Variants in NT5C2 observed in about 807,000 individuals in gnomAD.
NT5C2 encodes the protein cytosolic purine 5'-nucleotidase.
NT5C2 carries 58 observed loss-of-function variants against 76.1 expected under a neutral mutation model. The ratio of observed to expected loss-of-function variants is 0.76; its 90% CI spans 0.62 to 0.95. The LOEUF is 0.95. NT5C2 is among the 40% of genes least tolerant of loss of function. The pLI is 0.00. For synonymous variants in NT5C2, 229 were observed against 237.4 expected (o/e 0.96, Z 0.32); for missense variants, 478 against 690.3 (o/e 0.69, Z 3.45).
chr10:103,105,479 G>C (rs190305865), intron 6 of NT5C2: 1 of 573,200 alleles, frequency 1.7e-6, no homozygotes, highest in African/African-American at 1.9e-5. Context: ...TTTGTTGTAT[G>C]CTGTATAATT....
chr10:103,119,784 T>C (rs922941038), intron 4 of NT5C2, among the ~76,000 whole-genome samples: 2 of 144,128 alleles, frequency 1.4e-5, no homozygotes, highest in African/African-American at 5.1e-5. Flanking sequence ...GACTTTTACA[T>C]TGTCATTGGT....
At chr10:103,187,367 A>C (rs1394083254) in intron 1 of NT5C2, among the ~76,000 whole-genome samples, 1 of 151,800 alleles carries the variant, frequency 6.6e-6, no homozygotes, top group Non-Finnish European at 1.5e-5. Flanking sequence ...AAAATGAAGA[A>C]ACTCCATCTC....
intron 6 of NT5C2, chr10:103,105,315 T>A (rs977142952): frequency 1.7e-6 from 1 of 572,198 alleles, no homozygotes; most frequent in African/African-American, 2.0e-5. Context: ...TCATTTAAAT[T>A]GCTATAGTTT....
intron 3 of NT5C2, among the ~76,000 whole-genome samples, chr10:103,162,149 G>T (rs943980634): frequency 1.3e-5 from 2 of 152,068 alleles, no homozygotes; most frequent in African/African-American, 4.8e-5. Flanking sequence ...CCAAGTAGCT[G>T]GGACTACAGG....
intron 4 of NT5C2, among the ~76,000 whole-genome samples, chr10:103,114,004 G>T (rs9633712): frequency 1.3e-5 from 2 of 152,182 alleles, no homozygotes; most frequent in Admixed American, 1.3e-4. Context: ...CTTGTCTAGA[G>T]GAGGAAGTGG....
intron 1 of NT5C2, among the ~76,000 whole-genome samples, chr10:103,189,673 G>A (rs1050477136): frequency 6.7e-6 from 1 of 149,894 alleles, no homozygotes; most frequent in Non-Finnish European, 1.5e-5. Flanking sequence ...TTCTTTTACT[G>A]TTTACTGAAT....
chr10:103,138,967 A>G (rs1200418853), intron 4 of NT5C2, among the ~76,000 whole-genome samples: 1 of 152,030 alleles, frequency 6.6e-6, no homozygotes, highest in African/African-American at 2.4e-5. Context: ...AGATCGCGCC[A>G]TTGCACTCCA....
In NT5C2 at chr10:103,192,822, G is replaced by A. The variant is rs189872713; in HGVS notation, c.-169+414C>T. On this transcript the variant is annotated intron_variant, in intron 1 of 18. Transcript: ENST00000404739. ...GGGAACAGCCTGGAATCAGCTGGAG[G>A]ACGTCAGCAGGACTGAGGAAAGGGC... Among the ~76,000 whole-genome samples, 402 of 152,320 alleles carry A rather than the reference G, an allele frequency of 2.6e-3. 1 individual carries two copies. The highest frequency in any genetic ancestry group is 4.2e-3 in the Non-Finnish European group (285 of 68,024).
At chr10:103,184,727 T>C (rs913439720) in intron 1 of NT5C2, among the ~76,000 whole-genome samples, 13 of 152,236 alleles carry the variant, frequency 8.5e-5, no homozygotes, top group Admixed American at 6.5e-4. Context: ...TGAAATCTTA[T>C]TCTTGGTTCA....
Position 103,094,070 on chromosome 10 carries a change from T to C in NT5C2, c.922-32A>G. On this transcript the variant is annotated intron_variant, in intron 13 of 18. Transcript: ENST00000404739. ...GAAGAATATGGATTTTGTAATACTTTATCATCCTATCACAATCCTCCCCTC... is the reference window on the plus strand; with the variant it reads ...GAAGAATATGGATTTTGTAATACTTCATCATCCTATCACAATCCTCCCCTC... The C allele has an allele frequency of 2.6e-6, 4 of 1,553,118 alleles. No individual in the cohort carries two copies. The East Asian group carries it at 6.7e-5, about 26-fold the overall frequency.
At chr10:103,113,493 AAT>A (rs201120882) in intron 4 of NT5C2, among the ~76,000 whole-genome samples, 13 of 151,650 alleles carry the variant, frequency 8.6e-5, no homozygotes, top group Admixed American at 5.3e-4. Context: ...AGAAATAGCT[AAT>A]ATTTTTTTTT....
intron 4 of NT5C2, among the ~76,000 whole-genome samples, chr10:103,126,119 G>A (rs2076593260): frequency 6.6e-6 from 1 of 152,042 alleles, no homozygotes; most frequent in Non-Finnish European, 1.5e-5. Context: ...ATACATGAGG[G>A]CAACTTAATA....
chr10:103,145,302 C>T (rs948186653), intron 3 of NT5C2, among the ~76,000 whole-genome samples: 18 of 152,156 alleles, frequency 1.2e-4, no homozygotes, highest in African/African-American at 3.9e-4. Flanking sequence ...AAACTAATCT[C>T]TTGGTCTCAA....
At position 103,175,042 on chromosome 10, in the gene NT5C2, ATTT is replaced by A. The variant is rs1221137833; in HGVS notation, c.-24-63_-24-61del. 8.3e-6 allele frequency: 8 copies of A among 963,984 alleles called. No homozygotes were observed. In the South Asian group the frequency reaches 1.0e-4, roughly 12 times the overall value. 59.7% of individuals were successfully genotyped at this position (963,984 alleles called of 1,614,324 possible). On this transcript the variant is annotated intron_variant, in intron 2 of 18. Transcript: ENST00000404739. ...ATTGGCATCTGTATACTGACATCTG[ATTT>A]TTTTAAAAATCAGAAAAACTCCAGC... is the stretch of plus-strand genomic sequence containing the variant.
chr10:103,113,547 A>G (rs919876770), intron 4 of NT5C2, among the ~76,000 whole-genome samples: 5 of 152,324 alleles, frequency 3.3e-5, no homozygotes, highest in African/African-American at 1.2e-4. Context: ...TGCCTATACT[A>G]AAGTTAGAAG....
chr10:103,164,412 C>A (rs1294603451), intron 3 of NT5C2, among the ~76,000 whole-genome samples: 3 of 152,078 alleles, frequency 2.0e-5, no homozygotes, highest in African/African-American at 7.2e-5. Context: ...CATGCGCCAC[C>A]ACGCCCAGCT....
chr10:103,151,075 T>G (rs2082311490), intron 3 of NT5C2, among the ~76,000 whole-genome samples: 2 of 152,224 alleles, frequency 1.3e-5, no homozygotes, highest in South Asian at 4.1e-4. Flanking sequence ...ATCCATTTAT[T>G]TTAATGTACA....
chr10:103,134,181 G>C (rs779492372), intron 4 of NT5C2, among the ~76,000 whole-genome samples: 12 of 152,164 alleles, frequency 7.9e-5, no homozygotes, highest in Non-Finnish European at 1.8e-4. Context: ...AAGTAACAAA[G>C]AGCCTAATGC....
intron 3 of NT5C2, among the ~76,000 whole-genome samples, chr10:103,165,502 A>G (rs1372760113): frequency 6.6e-6 from 1 of 151,782 alleles, no homozygotes; most frequent in Non-Finnish European, 1.5e-5. Flanking sequence ...TCAAAAAAAA[A>G]AGAAAAACAG....
Sources: allele counts gnomAD v4.1 joint callset (sites outside exome capture counted in the v4.1 genomes callset), GRCh38; gene constraint gnomAD v4.1.1; transcripts MANE v1.5; gene names NCBI Gene and HGNC (gene_info 2026-07-23, HGNC 2026-07-21).